The following KIF13B variants were observed in gnomAD, a reference collection of about 807,000 sequenced individuals.
KIF13B encodes the protein kinesin-like protein KIF13B.
Under a neutral mutation model 222.0 loss-of-function variants are expected in KIF13B, and 127 were observed. The observed-to-expected ratio is 0.57, with a 90% CI of 0.50 to 0.66. The LOEUF is 0.66. Ranked by LOEUF, KIF13B falls within the 30% of genes least tolerant of loss-of-function variation. KIF13B has a pLI of 0.00. For synonymous variants in KIF13B, 976 were observed against 919.0 expected (o/e 1.06, Z -1.12); for missense variants, 2,173 against 2,379.0 (o/e 0.91, Z 1.80).
intron 24 of KIF13B, among the ~76,000 whole-genome samples, chr8:29,128,933 GA>G (rs1289712107): frequency 3.9e-5 from 6 of 152,114 alleles, no homozygotes; most frequent in African/African-American, 1.4e-4. Flanking sequence ...AAGGCCCTCC[GA>G]AACCAGCCTC....
chr8:29,125,555 A>G (rs999543044), intron 26 of KIF13B, among the ~76,000 whole-genome samples: 2 of 152,232 alleles, frequency 1.3e-5, no homozygotes, highest in Non-Finnish European at 2.9e-5. Flanking sequence ...TATCTGATAC[A>G]GTGTTTTTAT....
rs754749975 is a variant in KIF13B at position 29,092,793 on chromosome 8, G to T, written c.4410C>A (p.Pro1470=). 2.5e-6 allele frequency: 4 copies of T among 1,613,456 alleles called. No homozygotes were observed. Among genetic ancestry groups the T allele is most frequent in the Middle Eastern group, 1.6e-4 (1 of 6,062 alleles). ...GCTTGCCCCTCTTCTCATCGCGGAC[G>T]GGAAAGAGAGACTTGAGGAGCTTTG... is the stretch of plus-strand genomic sequence containing the variant. ...QMPKLLKSLF[P]VRDEKRGKRP... is the part of the protein sequence containing the mutation. The change falls in exon 37 of 40, where the codon CCC becomes CCA. Residue 1470 remains proline (P), a synonymous_variant. Coordinates refer to ENST00000524189, the MANE Select transcript of KIF13B (RefSeq NM_015254.4).
intron 35 of KIF13B, among the ~76,000 whole-genome samples, chr8:29,103,104 C>T (rs1176973244): frequency 2.6e-5 from 4 of 151,732 alleles, no homozygotes; most frequent in African/African-American, 4.8e-5. Context: ...TAGCCAGGCA[C>T]GGTGGCGGGC....
rs141897663 is a variant in KIF13B at position 29,139,135 on chromosome 8, A to G, written c.2613+928T>C. ...GCGAAGGTGAATGGGGATTCGTAACACATTTCTCACTACTTTTATTTATGT... is the reference window on the plus strand; with the variant it reads ...GCGAAGGTGAATGGGGATTCGTAACGCATTTCTCACTACTTTTATTTATGT... On this transcript the variant is annotated intron_variant, in intron 21 of 39. Coordinates refer to ENST00000524189, the MANE Select transcript of KIF13B (RefSeq NM_015254.4). Among the ~76,000 whole-genome samples, 807 of 152,276 alleles carry G rather than the reference A, an allele frequency of 5.3e-3. 6 individuals carry two copies. Among genetic ancestry groups the G allele is most frequent in the African/African-American group, 0.018 (737 of 41,560 alleles).
Position 29,240,238 on chromosome 8 carries a change from G to A in KIF13B, c.149+5108C>T, listed in dbSNP as rs1815709724. Among the ~76,000 whole-genome samples the A allele has an allele frequency of 2.0e-5, 3 of 149,342 alleles. No homozygotes were observed. In the South Asian group the frequency reaches 6.3e-4, roughly 31 times the overall value. ...CCTTTCACTAGAAAAAGGCATTCAT[G>A]TACACATAATACTGGGCAAACAACT... On this transcript the variant is annotated intron_variant, in intron 2 of 39. Coordinates refer to ENST00000524189, the MANE Select transcript of KIF13B (RefSeq NM_015254.4).
In KIF13B at chr8:29,118,924, C is replaced by T; in HGVS notation, c.3604G>A (p.Gly1202Arg). The T allele has an allele frequency of 6.2e-7, 1 of 1,613,982 alleles. No homozygotes were observed. Among genetic ancestry groups the T allele is most frequent in the Non-Finnish European group, 8.5e-7 (1 of 1,179,842 alleles). ...TCAAAGAACTCCTCTTCTTCTTCCC[C>T]AGTCAAGGTCGCATCCCATCCACCA... ...EAGGWDATLT[G>R]EEEEEFFELQ... The change falls in exon 30 of 40, where the codon GGG becomes AGG. Residue 1202 changes from glycine to arginine, a missense_variant. Physicochemically the swap from Gly to Arg is moderately radical, Grantham distance 125. Coordinates refer to ENST00000524189, the MANE Select transcript of KIF13B (RefSeq NM_015254.4).
rs1284755019 is a variant in KIF13B, at chr8:29,142,938, G to A, written c.2188-635C>T. The stretch of plus-strand genomic sequence containing the variant: ...GCACGTCATAGCTCACTGCAGCCTC[G>A]AACTCCTGGGCTCCAGTGATACTCC... On this transcript the variant is annotated intron_variant, in intron 18 of 39. Transcript: ENST00000524189. 2.0e-5 allele frequency among the ~76,000 whole-genome samples: 3 copies of A among 152,190 alleles called. No homozygotes were observed. In the East Asian group the frequency reaches 5.8e-4, roughly 29 times the overall value.
intron 35 of KIF13B, among the ~76,000 whole-genome samples, chr8:29,106,695 T>C (rs1809088856): frequency 6.6e-6 from 1 of 151,644 alleles, no homozygotes; most frequent in Non-Finnish European, 1.5e-5. Flanking sequence ...TTCATTGTTC[T>C]TAAGTTTTTA....
chr8:29,262,681 G>C (rs551290048), intron 1 of KIF13B, among the ~76,000 whole-genome samples: 1 of 151,298 alleles, frequency 6.6e-6, no homozygotes, highest in African/African-American at 2.4e-5. Context: ...GGAACCTCCG[G>C]GGGAGACGAG....
intron 4 of KIF13B, among the ~76,000 whole-genome samples, chr8:29,189,030 A>C (rs1329178983): frequency 6.6e-6 from 1 of 152,210 alleles, no homozygotes; most frequent in Non-Finnish European, 1.5e-5. Context: ...TCCCTCAGTG[A>C]CAATTTCTAA....
rs1686719247 is a variant in KIF13B at position 29,075,076 on chromosome 8, T to G, written c.4521+205A>C. Reference sequence around the variant, plus strand: ...ACATTAGCAGTCAAGCACCTAAAAGTTTAGCAATCATATGATTAACAAGTT... The same window carrying G: ...ACATTAGCAGTCAAGCACCTAAAAGGTTAGCAATCATATGATTAACAAGTT... On this transcript the variant is annotated intron_variant, in intron 38 of 39. Coordinates refer to ENST00000524189, the MANE Select transcript of KIF13B (RefSeq NM_015254.4). Among the ~76,000 whole-genome samples, 4 of 152,228 alleles carry G rather than the reference T, an allele frequency of 2.6e-5. No homozygotes were observed. The South Asian group carries it at 8.3e-4, about 32-fold the overall frequency.
At chr8:29,222,225 C>T (rs1283388587) in intron 2 of KIF13B, among the ~76,000 whole-genome samples, 1 of 151,996 alleles carries the variant, frequency 6.6e-6, no homozygotes, top group Non-Finnish European at 1.5e-5. Flanking sequence ...GTGTTGTGTG[C>T]CTGTAGCTCC....
At position 29,176,120 on chromosome 8, in the gene KIF13B, T is replaced by C; in HGVS notation, c.893A>G (p.Asn298Ser). 1 of 1,613,726 alleles carries C rather than the reference T, an allele frequency of 6.2e-7. No individual in the cohort carries two copies. Among genetic ancestry groups the C allele is most frequent in the East Asian group, 2.2e-5 (1 of 44,888 alleles). The change falls in exon 10 of 40, where the codon AAC (asparagine) becomes AGC (serine). Residue 298 changes from asparagine to serine, a missense_variant. By Grantham distance (46) the Asn-to-Ser change is conservative. This residue lies in a region of KIF13B where 1,480 missense variants were observed against 1,722.8 expected (regional missense o/e 0.86). Transcript: ENST00000524189. The part of the protein sequence containing the change: ...SALADQSAGK[N>S]KNKFVPYRDS... ...ACGATATGGAACAAATTTATTCTTG[T>C]TTTTGCCAGCACTCTGATCTGCAAG... is the stretch of plus-strand genomic sequence containing the variant.
At chr8:29,138,996 T>A (rs1810687830) in intron 21 of KIF13B, among the ~76,000 whole-genome samples, 1 of 152,098 alleles carries the variant, frequency 6.6e-6, no homozygotes, top group Non-Finnish European at 1.5e-5. Flanking sequence ...CACTGAACTA[T>A]TTACAGATAA....
intron 5 of KIF13B, among the ~76,000 whole-genome samples, chr8:29,187,464 G>A (rs182887958): frequency 2.0e-5 from 3 of 152,336 alleles, no homozygotes; most frequent in Admixed American, 2.0e-4. Flanking sequence ...CTGGGAGGCA[G>A]AGGCTGCAAT....
chr8:29,133,918 ACT>A, intron 22 of KIF13B, 120 bp downstream of exon 22: 1 of 927,924 alleles, frequency 1.1e-6, no homozygotes. Context: ...CAATCCCCAC[ACT>A]CTACAGAAAC....
At chr8:29,197,708 G>C (rs930384450) in intron 2 of KIF13B, among the ~76,000 whole-genome samples, 1 of 152,092 alleles carries the variant, frequency 6.6e-6, no homozygotes, top group Non-Finnish European at 1.5e-5. Context: ...CTTATCACTA[G>C]AGATAGAAAC....
chr8:29,085,885 A>G (rs1186752924), intron 37 of KIF13B, among the ~76,000 whole-genome samples: 1 of 146,266 alleles, frequency 6.8e-6, no homozygotes, highest in Non-Finnish European at 1.5e-5. Context: ...GTACCTTGCT[A>G]TCTATAAACC....
Position 29,140,533 on chromosome 8 carries a change from G to C in KIF13B, c.2419C>G (p.Leu807Val). ...TTCACATCATAGAAAAGTGACTCGA[G>C]GAAGACATTGGCCACCCCAATGAGA... ...HSLIGVANVF[L>V]ESLFYDVKLQ... is the part of the protein sequence containing the mutation. Residue 807 changes from leucine (L) to valine (V), a missense_variant, in exon 20 of 40, where the codon CTC (leucine) becomes GTC (valine). Leu to Val is a conservative substitution (Grantham distance 32). Coordinates refer to ENST00000524189, the MANE Select transcript of KIF13B (RefSeq NM_015254.4). The C allele has an allele frequency of 6.2e-7, 1 of 1,613,820 alleles. No individual in the cohort carries two copies. Among genetic ancestry groups the C allele is most frequent in the Non-Finnish European group, 8.5e-7 (1 of 1,179,770 alleles).
Sources: allele counts gnomAD v4.1 joint callset (sites outside exome capture counted in the v4.1 genomes callset), GRCh38; gene constraint gnomAD v4.1.1; regional missense constraint gnomAD v4.1.1; transcripts MANE v1.5; gene names NCBI Gene and HGNC (gene_info 2026-07-23, HGNC 2026-07-21).